The following EXOC4 variants were observed in gnomAD, a reference collection of about 807,000 sequenced individuals.
EXOC4 encodes the protein SEC8-like 1.
In EXOC4, 71 loss-of-function variants were observed where a neutral mutation model predicts 107.2. The observed-to-expected ratio is 0.66, with a 90% CI of 0.55 to 0.81. The LOEUF is 0.81. Ranked by LOEUF, EXOC4 falls within the 30% of genes least tolerant of loss-of-function variation. EXOC4 has a pLI of 0.00. For synonymous variants in EXOC4, 456 were observed against 441.2 expected (o/e 1.03, Z -0.42); for missense variants, 1,108 against 1,189.6 (o/e 0.93, Z 1.01).
intron 10 of EXOC4, among the ~76,000 whole-genome samples, chr7:133,813,902 A>G (rs1797298859): frequency 6.6e-6 from 1 of 152,120 alleles, no homozygotes; most frequent in Admixed American, 6.5e-5. Context: ...GTAATATGTA[A>G]GGTTAACTGC....
chr7:134,046,757 G>A (rs1795663828), intron 17 of EXOC4, among the ~76,000 whole-genome samples: 1 of 152,074 alleles, frequency 6.6e-6, no homozygotes, highest in Admixed American at 6.6e-5. Context: ...GGACTCCCAT[G>A]CCTTTGCATT....
At chr7:133,895,861 A>G in intron 12 of EXOC4, 126 bp downstream of exon 12, 1 of 1,022,704 alleles carries the variant, frequency 9.8e-7, no homozygotes. Flanking sequence ...AGATGAGAAC[A>G]TGCATCATGG....
chr7:133,512,392 G>A (rs1263543835), intron 9 of EXOC4, among the ~76,000 whole-genome samples: 2 of 151,820 alleles, frequency 1.3e-5, no homozygotes, highest in Non-Finnish European at 2.9e-5. Flanking sequence ...TTGCGCCACT[G>A]CACTCCAGCC....
chr7:133,904,046 A>T (rs1173747250), intron 12 of EXOC4, among the ~76,000 whole-genome samples: 1 of 152,130 alleles, frequency 6.6e-6, no homozygotes, highest in Non-Finnish European at 1.5e-5. Flanking sequence ...AGAGACTGGG[A>T]GTAGAGGAAG....
At chr7:134,045,694 G>A (rs968544570) in intron 17 of EXOC4, among the ~76,000 whole-genome samples, 1 of 152,090 alleles carries the variant, frequency 6.6e-6, no homozygotes, top group African/African-American at 2.4e-5. Flanking sequence ...TCACAGCGTT[G>A]TACAGCCATC....
At chr7:133,530,469 G>A (rs750556883) in intron 9 of EXOC4, among the ~76,000 whole-genome samples, 19 of 151,882 alleles carry the variant, frequency 1.3e-4, no homozygotes, top group Non-Finnish European at 2.1e-4. Context: ...TACTGAATAG[G>A]GTATTTGTAA....
intron 12 of EXOC4, among the ~76,000 whole-genome samples, chr7:133,907,701 T>C (rs142110377): frequency 0.015 from 2,356 of 152,116 alleles, 59 homozygotes; most frequent in African/African-American, 0.053. Context: ...TAGCTGGGCA[T>C]GGTGGCAGGT....
At chr7:133,959,120 C>T (rs184851893) in intron 14 of EXOC4, among the ~76,000 whole-genome samples, 1 of 152,274 alleles carries the variant, frequency 6.6e-6, no homozygotes, top group Non-Finnish European at 1.5e-5. Context: ...GCCTTACCTC[C>T]AGACACAAAA....
intron 17 of EXOC4, among the ~76,000 whole-genome samples, chr7:134,022,698 T>A (rs1412070184): frequency 6.6e-6 from 1 of 152,158 alleles, no homozygotes; most frequent in African/African-American, 2.4e-5. Flanking sequence ...GAGAGAGAAA[T>A]TTCCTTTTGG....
chr7:133,611,375 C>T (rs1197465908), intron 9 of EXOC4, among the ~76,000 whole-genome samples: 1 of 152,108 alleles, frequency 6.6e-6, no homozygotes, highest in Non-Finnish European at 1.5e-5. Context: ...GACTTTATAT[C>T]AGGGTAAAAA....
chr7:133,278,513 T>TAGGAAGAGTGTC, intron 2 of EXOC4, among the ~76,000 whole-genome samples: 1 of 152,054 alleles, frequency 6.6e-6, no homozygotes, highest in African/African-American at 2.4e-5. Flanking sequence ...TGAAGGAGGT[T>TAGGAAGAGTGTC]AGGAAGAGTG....
chr7:133,884,624 C>T lies in EXOC4; in HGVS notation c.1735-10975C>T, dbSNP rs559629236. On this transcript the variant is annotated intron_variant, in intron 11 of 17. Coordinates refer to ENST00000253861, the MANE Select transcript of EXOC4 (RefSeq NM_021807.4). ...GTGTGTGTGTGTGTGTGTGTGTGCG[C>T]GCGTGTGTGATGGTGCTGGAGATGT... Among the ~76,000 whole-genome samples the T allele has an allele frequency of 1.9e-3, 266 of 138,606 alleles. 1 individual carries two copies. The highest frequency in any genetic ancestry group is 7.8e-3 in the African/African-American group (247 of 31,606). The allele number at this position is 138,606 out of a possible 152,430, so 90.9% of individuals were successfully genotyped here. A position where few individuals can be genotyped will look rare whatever the true frequency, so the allele number is the denominator to read the frequency against.
intron 12 of EXOC4, among the ~76,000 whole-genome samples, chr7:133,913,776 T>C (rs1799747088): frequency 6.6e-6 from 1 of 152,140 alleles, no homozygotes; most frequent in African/African-American, 2.4e-5. Context: ...AGGGCTGCCC[T>C]AGAGATAATA....
chr7:133,403,009 C>T (rs370931676), intron 7 of EXOC4, among the ~76,000 whole-genome samples: 4 of 151,918 alleles, frequency 2.6e-5, no homozygotes, highest in Middle Eastern at 3.4e-3. Flanking sequence ...CTCAGCCTCC[C>T]GAGTAGCTGG....
At chr7:133,793,859 T>A (rs141393876) in intron 10 of EXOC4, among the ~76,000 whole-genome samples, 5 of 3,458 alleles carry the variant, frequency 1.4e-3, no homozygotes, top group East Asian at 0.045. Context: ...AAAAAATAAA[T>A]AAAAATAAAT....
intron 11 of EXOC4, among the ~76,000 whole-genome samples, chr7:133,845,398 A>AT (rs1798105768): frequency 6.8e-6 from 1 of 147,074 alleles, no homozygotes; most frequent in Non-Finnish European, 1.5e-5. Context: ...TAATATACAT[A>AT]TTATACTATA....
At position 133,581,272 on chromosome 7, in the gene EXOC4, TCTA is replaced by T. The variant is rs1393459028; in HGVS notation, c.1418-48770_1418-48768del. ...GAAGAGACTGACATAGTCAAAGACTTCTACTGTTGTTAGGAACAGCACTTGTTT... is the reference window on the plus strand; with the variant it reads ...GAAGAGACTGACATAGTCAAAGACTTCTGTTGTTAGGAACAGCACTTGTTT... On this transcript the variant is annotated intron_variant, in intron 9 of 17. Transcript: ENST00000253861. Among the ~76,000 whole-genome samples, 6 of 152,332 alleles carry T rather than the reference TCTA, an allele frequency of 3.9e-5. No homozygotes were observed. In the East Asian group the frequency reaches 1.2e-3, roughly 29 times the overall value.
intron 17 of EXOC4, among the ~76,000 whole-genome samples, chr7:134,017,844 A>G (rs1032760480): frequency 4.6e-5 from 7 of 152,224 alleles, no homozygotes; most frequent in Non-Finnish European, 7.3e-5. Context: ...ATTATGCTCA[A>G]TTAGTGTCAC....
At chr7:133,315,009 G>T in intron 4 of EXOC4, 1 of 152,718 alleles carries the variant, frequency 6.5e-6, no homozygotes, top group East Asian at 1.9e-4. Flanking sequence ...ATCCATAGAT[G>T]AAGAACCCCA....
Sources: gnomAD v4.1 joint callset for allele counts (sites outside exome capture counted in the v4.1 genomes callset) on GRCh38, gnomAD v4.1.1 for gene constraint, MANE v1.5 for transcripts, NCBI Gene and HGNC (gene_info 2026-07-23, HGNC 2026-07-21) for gene names.